The following PPFIA2 variants were observed in gnomAD, a reference collection of about 807,000 sequenced individuals.
PPFIA2 encodes the protein liprin-alpha-2.
A neutral mutation model predicts 175.5 loss-of-function variants in PPFIA2; 46 were observed. That is an observed-to-expected ratio of 0.26 (90% confidence interval 0.21 to 0.34). The LOEUF is 0.34. Among genes scored for constraint, PPFIA2 ranks in the 10% least tolerant of loss-of-function variants. The pLI is 1.00. For synonymous variants in PPFIA2, 568 were observed against 511.4 expected (o/e 1.11, Z -1.49); for missense variants, 1,179 against 1,506.1 (o/e 0.78, Z 3.60).
intron 4 of PPFIA2, among the ~76,000 whole-genome samples, chr12:81,468,536 C>T (rs41512349): frequency 6.6e-6 from 1 of 152,148 alleles, no homozygotes; most frequent in African/African-American, 2.4e-5. Flanking sequence ...TTAGGTAACA[C>T]CTGCTGTGGC....
chr12:81,464,340 G>C (rs558101666), intron 4 of PPFIA2, among the ~76,000 whole-genome samples: 13 of 152,216 alleles, frequency 8.5e-5, no homozygotes, highest in Non-Finnish European at 1.3e-4. Context: ...GAACACAGAT[G>C]AGAAAAGTAG....
chr12:81,559,472 T>G (rs1311533831), intron 4 of PPFIA2, among the ~76,000 whole-genome samples: 2 of 152,202 alleles, frequency 1.3e-5, no homozygotes, highest in Non-Finnish European at 2.9e-5. Context: ...AAAATAATTT[T>G]TATTCCAAAG....
intron 4 of PPFIA2, among the ~76,000 whole-genome samples, chr12:81,663,185 C>T (rs1300361115): frequency 2.6e-5 from 4 of 152,146 alleles, no homozygotes; most frequent in Admixed American, 6.5e-5. Context: ...GAAGTTCTGG[C>T]CAGGGCAATC....
intron 7 of PPFIA2, among the ~76,000 whole-genome samples, chr12:81,427,284 C>T (rs950859355): frequency 2.0e-5 from 3 of 152,040 alleles, no homozygotes; most frequent in Admixed American, 6.6e-5. Context: ...GGATTCCTGT[C>T]GACTAGTGAT....
chr12:81,422,724 A>G (rs1265580966), intron 7 of PPFIA2, among the ~76,000 whole-genome samples: 6 of 152,020 alleles, frequency 3.9e-5, no homozygotes, highest in African/African-American at 1.4e-4. Context: ...ATTACCTCCC[A>G]TTGGGTCCCT....
intron 4 of PPFIA2, among the ~76,000 whole-genome samples, chr12:81,480,539 C>T (rs957501187): frequency 2.6e-4 from 40 of 152,212 alleles, no homozygotes; most frequent in African/African-American, 8.9e-4. Flanking sequence ...TCCTCATCTT[C>T]GTGGATTTAT....
chr12:81,392,161 T>G (rs2040248428), intron 8 of PPFIA2, among the ~76,000 whole-genome samples: 1 of 151,826 alleles, frequency 6.6e-6, no homozygotes, highest in African/African-American at 2.4e-5. Context: ...GACTAAAGGT[T>G]ATAAAAGGGG....
chr12:81,284,320 G>A lies in PPFIA2; in HGVS notation c.2926-17C>T. On this transcript the variant is annotated splice_polypyrimidine_tract_variant and intron_variant, in intron 24 of 32. Transcript: ENST00000549396. The stretch of plus-strand genomic sequence containing the variant: ...GCCTGAAGGCTAGTGAGGAGGCCCA[G>A]AGGGAAGCAGAGGAATCCATGGGAG... 6.5e-7 allele frequency: 1 copy of A among 1,535,726 alleles called. No homozygotes were observed. The highest frequency in any genetic ancestry group is 9.0e-7 in the Non-Finnish European group (1 of 1,115,476).
chr12:81,361,158 G>C (rs1312947133), intron 15 of PPFIA2, among the ~76,000 whole-genome samples: 1 of 151,572 alleles, frequency 6.6e-6, no homozygotes, highest in Non-Finnish European at 1.5e-5. Flanking sequence ...TAATGACTCA[G>C]TGCAGTGATA....
intron 4 of PPFIA2, among the ~76,000 whole-genome samples, chr12:81,523,290 T>C (rs2063364915): frequency 6.6e-6 from 1 of 152,212 alleles, no homozygotes; most frequent in Admixed American, 6.5e-5. Context: ...AAATAGTTCC[T>C]TATTCCTAGG....
At position 81,611,696 on chromosome 12, in the gene PPFIA2, G is replaced by C. The variant is rs183648434; in HGVS notation, c.303+65095C>G. On this transcript the variant is annotated intron_variant, in intron 4 of 32. Coordinates refer to ENST00000549396, the MANE Select transcript of PPFIA2 (RefSeq NM_003625.5). ...CTCTCTTCTGGCTCAGAAGTCAGCT[G>C]GGGCCAATGCCTCTGGGGGAGTGGG... 2.4e-3 allele frequency among the ~76,000 whole-genome samples: 367 copies of C among 152,222 alleles called. 1 individual carries two copies. The highest frequency in any genetic ancestry group is 8.3e-3 in the African/African-American group (347 of 41,564).
chr12:81,534,323 T>C (rs1028344609), intron 4 of PPFIA2, among the ~76,000 whole-genome samples: 4 of 151,692 alleles, frequency 2.6e-5, no homozygotes, highest in Non-Finnish European at 5.9e-5. Context: ...TGTTAACAAC[T>C]AGAAGAGAGG....
Position 81,699,505 on chromosome 12 carries a change from C to T in PPFIA2, c.250-22661G>A, listed in dbSNP as rs190185933. ...TTCATAGTCATAGTAATATTATAAG[C>T]TCTTATTGAAGACATATAAACATAA... On this transcript the variant is annotated intron_variant, in intron 3 of 32. Coordinates refer to ENST00000549396, the MANE Select transcript of PPFIA2 (RefSeq NM_003625.5). 4.2e-3 allele frequency among the ~76,000 whole-genome samples: 629 copies of T among 151,392 alleles called. 7 individuals carry two copies. The highest frequency in any genetic ancestry group is 6.7e-3 in the Admixed American group (102 of 15,192).
At chr12:81,307,852 C>T (rs76660741) in intron 22 of PPFIA2, among the ~76,000 whole-genome samples, 1,636 of 152,248 alleles carry the variant, frequency 0.011, 26 homozygotes, top group African/African-American at 0.037. Flanking sequence ...ATACCTCATT[C>T]GATTTTACCC....
chr12:81,485,257 A>C (rs1191378507), intron 4 of PPFIA2, among the ~76,000 whole-genome samples: 1 of 151,674 alleles, frequency 6.6e-6, no homozygotes, highest in Non-Finnish European at 1.5e-5. Context: ...ATCTCATTTT[A>C]TTTTAGTTGT....
At chr12:81,303,642 G>A (rs1473941797) in intron 22 of PPFIA2, among the ~76,000 whole-genome samples, 1 of 152,044 alleles carries the variant, frequency 6.6e-6, no homozygotes, top group East Asian at 1.9e-4. Context: ...TATTTTAGGA[G>A]GCCCAACATG....
rs3075257 is a variant in PPFIA2, at chr12:81,372,513, GAAAAA to G, written c.1266+2116_1266+2120del. Among the ~76,000 whole-genome samples, 34 of 93,680 alleles carry G rather than the reference GAAAAA, an allele frequency of 3.6e-4. No individual in the cohort carries two copies. The South Asian group carries it at 4.8e-3, about 13-fold the overall frequency. The allele number at this position is 93,680 out of a possible 152,430, so 61.5% of individuals were successfully genotyped here. ...GAAATATCAGAAACAAATTGAAACA[GAAAAA>G]AAAAAAAAAAACAGATATAAAAATA... On this transcript the variant is annotated intron_variant, in intron 11 of 32. Transcript: ENST00000549396.
intron 7 of PPFIA2, among the ~76,000 whole-genome samples, chr12:81,423,869 C>T (rs892257030): frequency 5.0e-4 from 76 of 152,162 alleles, no homozygotes; most frequent in African/African-American, 1.7e-3. Context: ...TAACTAATAT[C>T]TATTTTAACT....
intron 4 of PPFIA2, among the ~76,000 whole-genome samples, chr12:81,475,174 A>G (rs2057321454): frequency 6.6e-6 from 1 of 152,182 alleles, no homozygotes; most frequent in South Asian, 2.1e-4. Flanking sequence ...ACTCTGTGAG[A>G]ACCAGAACTA....
Sources: allele counts gnomAD v4.1 joint callset (sites outside exome capture counted in the v4.1 genomes callset), GRCh38; gene constraint gnomAD v4.1.1; transcripts MANE v1.5; gene names NCBI Gene and HGNC (gene_info 2026-07-23, HGNC 2026-07-21).